SLC35F1: variants seen among roughly 807,000 people sequenced by gnomAD.
SLC35F1 encodes chromosome 6 open reading frame 169.
A neutral mutation model predicts 48.7 loss-of-function variants in SLC35F1; 14 were observed. That is an observed-to-expected ratio of 0.29 (90% CI 0.19 to 0.45). SLC35F1 has a LOEUF of 0.45. Among genes scored for constraint, SLC35F1 ranks in the 20% least tolerant of loss-of-function variants. The pLI, the probability that SLC35F1 is intolerant of heterozygous loss-of-function variation, is 1.00. For missense variants in SLC35F1, 404 were observed against 500.0 expected (o/e 0.81, Z 1.83); for synonymous variants, 190 against 202.2 (o/e 0.94, Z 0.51).
At chr6:118,292,238 C>A (rs1776132874) in intron 7 of SLC35F1, among the ~76,000 whole-genome samples, 2 of 152,314 alleles carry the variant, frequency 1.3e-5, no homozygotes, top group South Asian at 4.1e-4. Flanking sequence ...CAGGGTGTAG[C>A]CAGGGTTAGA....
At chr6:118,282,468 G>A (rs1775995925) in intron 6 of SLC35F1, among the ~76,000 whole-genome samples, 1 of 152,146 alleles carries the variant, frequency 6.6e-6, no homozygotes, top group South Asian at 2.1e-4. Context: ...AGCATCATAA[G>A]GTAGCCTGGT....
At chr6:118,184,201 C>G (rs534932745) in intron 2 of SLC35F1, among the ~76,000 whole-genome samples, 4 of 152,260 alleles carry the variant, frequency 2.6e-5, no homozygotes, top group Non-Finnish European at 5.9e-5. Context: ...GACAAGATGA[C>G]CACACATCCT....
chr6:118,141,722 G>C (rs892861841), intron 1 of SLC35F1, among the ~76,000 whole-genome samples: 1 of 152,270 alleles, frequency 6.6e-6, no homozygotes, highest in African/African-American at 2.4e-5. Flanking sequence ...ACCACATTGT[G>C]GGGGAGGTAG....
intron 1 of SLC35F1, among the ~76,000 whole-genome samples, chr6:118,068,119 T>C (rs1056731525): frequency 6.6e-6 from 1 of 152,116 alleles, no homozygotes; most frequent in Non-Finnish European, 1.5e-5. Context: ...TTCACCTTTT[T>C]CCTGCCTTTT....
chr6:118,033,338 T>C (rs937812337), intron 1 of SLC35F1, among the ~76,000 whole-genome samples: 2 of 152,214 alleles, frequency 1.3e-5, no homozygotes, highest in Non-Finnish European at 2.9e-5. Flanking sequence ...GCTCAGTAAA[T>C]GTTAGCTAAT....
chr6:118,088,417 C>G (rs1165751756), intron 1 of SLC35F1, among the ~76,000 whole-genome samples: 1 of 152,100 alleles, frequency 6.6e-6, no homozygotes, highest in Admixed American at 6.6e-5. Context: ...ACCATGGCCA[C>G]AAAAGTAGTT....
intron 3 of SLC35F1, among the ~76,000 whole-genome samples, chr6:118,252,074 G>T (rs1775582247): frequency 6.6e-6 from 1 of 152,108 alleles, no homozygotes; most frequent in South Asian, 2.1e-4. Flanking sequence ...GATGAAGATG[G>T]GGCAGATTAT....
At chr6:118,022,105 G>GCATA (rs1777403261) in intron 1 of SLC35F1, among the ~76,000 whole-genome samples, 2 of 152,174 alleles carry the variant, frequency 1.3e-5, no homozygotes, top group Admixed American at 1.3e-4. Context: ...TTGCAAATGG[G>GCATA]CATACATACA....
chr6:118,193,945 C>A lies in SLC35F1; in HGVS notation c.349+39325C>A, dbSNP rs185935262. 8.4e-4 allele frequency among the ~76,000 whole-genome samples: 128 copies of A among 152,284 alleles called. 1 individual carries two copies. The highest frequency in any genetic ancestry group is 2.6e-3 in the Admixed American group (40 of 15,292). On this transcript the variant is annotated intron_variant, in intron 2 of 7. Transcript: ENST00000360388. ...AAATTATCTTTAAAACTTTTTATTT[C>A]TCAAAGATTACAAAAGTCACATGAA...
chr6:118,288,125 T>G (rs1582771598), intron 7 of SLC35F1, among the ~76,000 whole-genome samples: 2 of 152,214 alleles, frequency 1.3e-5, no homozygotes, highest in South Asian at 4.2e-4. Context: ...CTAGTTAAAA[T>G]TTATTTCTAT....
intron 1 of SLC35F1, among the ~76,000 whole-genome samples, chr6:118,050,246 A>G (rs1772368255): frequency 6.6e-6 from 1 of 152,052 alleles, no homozygotes; most frequent in Admixed American, 6.6e-5. Flanking sequence ...GGATAGCATT[A>G]GGAGATATAC....
intron 1 of SLC35F1, among the ~76,000 whole-genome samples, chr6:118,062,596 C>T (rs140162158): frequency 5.1e-4 from 77 of 152,078 alleles, no homozygotes; most frequent in African/African-American, 1.6e-3. Context: ...TTAAAAATAA[C>T]GGCAACAGTC....
At chr6:118,024,349 A>G (rs1777436007) in intron 1 of SLC35F1, among the ~76,000 whole-genome samples, 1 of 152,254 alleles carries the variant, frequency 6.6e-6, no homozygotes, top group Non-Finnish European at 1.5e-5. Flanking sequence ...TATGTAAAGA[A>G]GAGAAGCTCA....
chr6:118,019,730 T>C (rs1416809154), intron 1 of SLC35F1, among the ~76,000 whole-genome samples: 1 of 152,244 alleles, frequency 6.6e-6, no homozygotes, highest in Admixed American at 6.5e-5. Flanking sequence ...GTACCCACTA[T>C]TGATGAAACA....
intron 1 of SLC35F1, among the ~76,000 whole-genome samples, chr6:118,093,081 G>T (rs1286876993): frequency 6.6e-6 from 1 of 152,152 alleles, no homozygotes; most frequent in Non-Finnish European, 1.5e-5. Context: ...ACTTTGGGAG[G>T]CAGAGGCGGG....
chr6:118,112,086 CTTTTCTTTTCT>C (rs1434478221), intron 1 of SLC35F1, among the ~76,000 whole-genome samples: 2,667 of 14,444 alleles, frequency 0.18, 56 homozygotes, highest in Admixed American at 0.3. Flanking sequence ...TTATTTCTTT[CTTTTCTTTTCT>C]TTTCTTTTCT....
intron 1 of SLC35F1, among the ~76,000 whole-genome samples, chr6:117,939,045 A>G (rs1219397438): frequency 7.6e-6 from 1 of 131,158 alleles, no homozygotes; most frequent in African/African-American, 2.9e-5. Flanking sequence ...GCCTCCTGCT[A>G]TGTCACCCAG....
At chr6:118,140,556 TTACTA>T (rs1773871790) in intron 1 of SLC35F1, among the ~76,000 whole-genome samples, 2 of 152,034 alleles carry the variant, frequency 1.3e-5, no homozygotes, top group South Asian at 2.1e-4. Flanking sequence ...GTTTATGTAT[TTACTA>T]TACTATACTT....
At chr6:118,187,765 G>T (rs1774679661) in intron 2 of SLC35F1, among the ~76,000 whole-genome samples, 1 of 152,182 alleles carries the variant, frequency 6.6e-6, no homozygotes, top group African/African-American at 2.4e-5. Flanking sequence ...GTTAAAAATA[G>T]TTTTTGTTAC....
Sources: gnomAD v4.1 joint callset for allele counts (sites outside exome capture counted in the v4.1 genomes callset) on GRCh38, gnomAD v4.1.1 for gene constraint, MANE v1.5 for transcripts, NCBI Gene and HGNC (gene_info 2026-07-23, HGNC 2026-07-21) for gene names.